The following EFNA5 variants were observed in gnomAD, a reference collection of about 807,000 sequenced individuals.
EFNA5 encodes the protein ephrin A5, also known as ephrin-A5.
A neutral mutation model predicts 22.9 loss-of-function variants in EFNA5; 5 were observed. That is an observed-to-expected ratio of 0.22 (90% CI 0.11 to 0.46). The LOEUF is 0.46. EFNA5 is among the 20% of genes least tolerant of loss of function. The pLI is 0.99. For missense variants in EFNA5, 237 were observed against 293.3 expected (o/e 0.81, Z 1.40); for synonymous variants, 113 against 112.2 (o/e 1.01, Z -0.04).
chr5:107,552,098 T>C (rs944330791), intron 1 of EFNA5, among the ~76,000 whole-genome samples: 2 of 152,158 alleles, frequency 1.3e-5, no homozygotes, highest in African/African-American at 4.8e-5. Context: ...TAAAAAATTC[T>C]GGCGTTAGCA....
intron 1 of EFNA5, among the ~76,000 whole-genome samples, chr5:107,660,275 T>TATATATATATATATAA (rs1561462870): frequency 1.5e-3 from 47 of 30,570 alleles, no homozygotes; most frequent in Non-Finnish European, 2.5e-3. Context: ...TATATATATA[T>TATATATATATATATAA]ATATATATAT....
intron 1 of EFNA5, among the ~76,000 whole-genome samples, chr5:107,547,520 G>A (rs1748190453): frequency 6.8e-6 from 1 of 147,426 alleles, no homozygotes; most frequent in Admixed American, 6.7e-5. Context: ...GTAAGACACT[G>A]ATGTTCCAAA....
intron 1 of EFNA5, among the ~76,000 whole-genome samples, chr5:107,547,659 T>C (rs1409100632): frequency 1.3e-5 from 2 of 151,944 alleles, no homozygotes; most frequent in African/African-American, 4.8e-5. Flanking sequence ...AGACATTAAG[T>C]AGATTATACA....
chr5:107,458,072 A>G (rs3909464), intron 1 of EFNA5, among the ~76,000 whole-genome samples: 3 of 152,090 alleles, frequency 2.0e-5, no homozygotes, highest in Non-Finnish European at 4.4e-5. Flanking sequence ...ATTTTCTACT[A>G]TACGTTGATC....
chr5:107,525,548 T>C (rs1747678179), intron 1 of EFNA5, among the ~76,000 whole-genome samples: 1 of 152,214 alleles, frequency 6.6e-6, no homozygotes, highest in South Asian at 2.1e-4. Context: ...TAACACATAT[T>C]GTATTTTTTT....
intron 1 of EFNA5, among the ~76,000 whole-genome samples, chr5:107,570,745 C>T (rs1230453985): frequency 6.6e-6 from 1 of 151,996 alleles, no homozygotes; most frequent in Non-Finnish European, 1.5e-5. Flanking sequence ...ATGTTGGAAC[C>T]CTATTGTGCA....
chr5:107,582,134 A>C (rs536434987), intron 1 of EFNA5, among the ~76,000 whole-genome samples: 8 of 152,324 alleles, frequency 5.3e-5, no homozygotes, highest in African/African-American at 1.9e-4. Flanking sequence ...TTACAAAAAT[A>C]AATTGTTAGT....
intron 1 of EFNA5, among the ~76,000 whole-genome samples, chr5:107,589,181 A>G (rs1417098638): frequency 6.6e-6 from 1 of 152,228 alleles, no homozygotes; most frequent in East Asian, 1.9e-4. Flanking sequence ...ATGTAAAGCC[A>G]ACTGAATTAT....
chr5:107,400,290 A>G (rs762815805), intron 2 of EFNA5, among the ~76,000 whole-genome samples: 6 of 145,234 alleles, frequency 4.1e-5, no homozygotes, highest in South Asian at 2.1e-4. Flanking sequence ...AAAAAAATGT[A>G]TAACTTCAAT....
At chr5:107,590,607 A>G (rs1050037096) in intron 1 of EFNA5, among the ~76,000 whole-genome samples, 3 of 151,920 alleles carry the variant, frequency 2.0e-5, no homozygotes, top group African/African-American at 7.3e-5. Flanking sequence ...TGCCCAGGAT[A>G]GTCTTGAACT....
intron 1 of EFNA5, among the ~76,000 whole-genome samples, chr5:107,633,135 T>C (rs901815644): frequency 7.2e-5 from 11 of 152,326 alleles, no homozygotes; most frequent in Middle Eastern, 3.4e-3. Flanking sequence ...TTTAAAAATT[T>C]CTTCCTGCTT....
At chr5:107,588,402 T>C (rs1457340168) in intron 1 of EFNA5, among the ~76,000 whole-genome samples, 1 of 152,148 alleles carries the variant, frequency 6.6e-6, no homozygotes, top group African/African-American at 2.4e-5. Context: ...ATCCCCTATT[T>C]ATCCTAGTCT....
At chr5:107,618,360 G>C (rs1475383784) in intron 1 of EFNA5, among the ~76,000 whole-genome samples, 4 of 152,108 alleles carry the variant, frequency 2.6e-5, no homozygotes, top group African/African-American at 9.7e-5. Context: ...TCATGCACTG[G>C]GTTTTTTTTC....
At chr5:107,439,949 G>GA (rs1428518872) in intron 1 of EFNA5, among the ~76,000 whole-genome samples, 1 of 152,196 alleles carries the variant, frequency 6.6e-6, no homozygotes, top group Non-Finnish European at 1.5e-5. Flanking sequence ...CAGAATACAT[G>GA]AAACTGTCAT....
At chr5:107,537,013 G>A (rs1185327419) in intron 1 of EFNA5, among the ~76,000 whole-genome samples, 1 of 151,712 alleles carries the variant, frequency 6.6e-6, no homozygotes, top group Non-Finnish European at 1.5e-5. Context: ...GCTGAGGCAG[G>A]AGAATGGCTT....
At chr5:107,430,229 G>C (rs1748911994) in intron 1 of EFNA5, among the ~76,000 whole-genome samples, 1 of 152,136 alleles carries the variant, frequency 6.6e-6, no homozygotes, top group African/African-American at 2.4e-5. Flanking sequence ...ACAGAGAAAA[G>C]ACACTGCAAA....
intron 1 of EFNA5, among the ~76,000 whole-genome samples, chr5:107,625,869 A>C (rs1052261054): frequency 2.4e-4 from 37 of 152,300 alleles, no homozygotes; most frequent in Non-Finnish European, 4.4e-4. Context: ...TGAAATGTAC[A>C]ATTTAGTTGA....
intron 1 of EFNA5, among the ~76,000 whole-genome samples, chr5:107,607,596 C>T (rs1320846472): frequency 6.6e-6 from 1 of 152,096 alleles, no homozygotes; most frequent in East Asian, 1.9e-4. Flanking sequence ...CTCATCATGA[C>T]ATAGACTATG....
intron 1 of EFNA5, among the ~76,000 whole-genome samples, chr5:107,544,392 A>C (rs1465020958): frequency 6.6e-6 from 1 of 152,182 alleles, no homozygotes; most frequent in African/African-American, 2.4e-5. Context: ...ACACCTGAGG[A>C]CCAGGCAGAA....
Sources: gnomAD v4.1 joint callset for allele counts (sites outside exome capture counted in the v4.1 genomes callset) on GRCh38, gnomAD v4.1.1 for gene constraint, MANE v1.5 for transcripts, NCBI Gene and HGNC (gene_info 2026-07-23, HGNC 2026-07-21) for gene names.